The following DGKI variants were observed in gnomAD, a reference collection of about 807,000 sequenced individuals.
The protein encoded by DGKI is diacylglycerol kinase iota.
In DGKI, 55 loss-of-function variants were observed where a neutral mutation model predicts 147.5. The ratio of observed to expected loss-of-function variants is 0.37; its 90% CI spans 0.30 to 0.47. The LOEUF (loss-of-function observed/expected upper bound fraction) is 0.47, where lower values mean the gene tolerates loss of function less well. DGKI is among the 20% of genes least tolerant of loss of function. DGKI has a pLI of 1.00. For synonymous variants in DGKI, 469 were observed against 477.1 expected (o/e 0.98, Z 0.22); for missense variants, 1,007 against 1,323.8 (o/e 0.76, Z 3.71).
At chr7:137,536,337 T>A (rs187003719) in intron 20 of DGKI, among the ~76,000 whole-genome samples, 1 of 152,154 alleles carries the variant, frequency 6.6e-6, no homozygotes, top group African/African-American at 2.4e-5. Context: ...GGTGTTAAAT[T>A]TGATCACAGA....
Position 137,559,387 on chromosome 7 carries a change from A to G in DGKI, c.1948-6819T>C, listed in dbSNP as rs555959691. On this transcript the variant is annotated intron_variant, in intron 19 of 32. Coordinates refer to ENST00000614521, the MANE Select transcript of DGKI (RefSeq NM_001321708.2). ...CGCCTGGCCTTGTACCTACAATTCT[A>G]TAATCATGTTCTCAAATTCCACCTC... Among the ~76,000 whole-genome samples, 140 of 152,088 alleles carry G rather than the reference A, an allele frequency of 9.2e-4. 1 individual carries two copies. The highest frequency in any genetic ancestry group is 6.8e-3 in the Middle Eastern group (2 of 294).
intron 1 of DGKI, among the ~76,000 whole-genome samples, chr7:137,794,413 A>G (rs1796961712): frequency 6.6e-6 from 1 of 152,266 alleles, no homozygotes; most frequent in Non-Finnish European, 1.5e-5. Flanking sequence ...ATTTAAGTTG[A>G]TACAAATGAA....
intron 19 of DGKI, among the ~76,000 whole-genome samples, chr7:137,553,470 T>C (rs1818119317): frequency 6.6e-6 from 1 of 152,164 alleles, no homozygotes; most frequent in Non-Finnish European, 1.5e-5. Context: ...TTCATCATGG[T>C]AGCCACAGAA....
At chr7:137,769,233 T>C (rs965512062) in intron 1 of DGKI, among the ~76,000 whole-genome samples, 5 of 152,178 alleles carry the variant, frequency 3.3e-5, no homozygotes, top group Admixed American at 2.6e-4. Flanking sequence ...ACTCTGACTG[T>C]GGCAGATCCA....
chr7:137,414,546 A>G (rs1226549038), intron 28 of DGKI, among the ~76,000 whole-genome samples: 1 of 152,130 alleles, frequency 6.6e-6, no homozygotes, highest in Non-Finnish European at 1.5e-5. Flanking sequence ...TAAAAAAAAA[A>G]AAAAAACCCT....
At chr7:137,663,231 GCAAGCTACTTGAGGAGA>G (rs1822508419) in intron 3 of DGKI, among the ~76,000 whole-genome samples, 1 of 152,156 alleles carries the variant, frequency 6.6e-6, no homozygotes, top group Non-Finnish European at 1.5e-5. Flanking sequence ...GCAAGAGCTG[GCAAGCTACTTGAGGAGA>G]CAAGAGGAAC....
Position 137,523,731 on chromosome 7 carries a change from C to T in DGKI, c.2148-1765G>A, listed in dbSNP as rs528959093. 3.3e-5 allele frequency among the ~76,000 whole-genome samples: 5 copies of T among 152,110 alleles called. No homozygotes were observed. In the East Asian group the frequency reaches 9.7e-4, roughly 29 times the overall value. The stretch of plus-strand genomic sequence containing the variant: ...TCAAAAAGGTATGGACAAATAAAGC[C>T]GAAGCATTTAAGTTGTGATTGGAGA... On this transcript the variant is annotated intron_variant, in intron 20 of 32. Coordinates refer to ENST00000614521, the MANE Select transcript of DGKI (RefSeq NM_001321708.2).
At chr7:137,583,987 C>T (rs1363855937) in intron 14 of DGKI, among the ~76,000 whole-genome samples, 1 of 151,924 alleles carries the variant, frequency 6.6e-6, no homozygotes, top group Non-Finnish European at 1.5e-5. Context: ...TCTAATTTAG[C>T]CAAGTTAGAA....
At chr7:137,392,301 G>C (rs959911562) in intron 32 of DGKI, among the ~76,000 whole-genome samples, 1 of 152,168 alleles carries the variant, frequency 6.6e-6, no homozygotes, top group Admixed American at 6.6e-5. Context: ...AAGGGAGAAA[G>C]AGTGTCCATT....
At chr7:137,611,382 TG>T (rs1295470361) in intron 8 of DGKI, among the ~76,000 whole-genome samples, 2 of 152,164 alleles carry the variant, frequency 1.3e-5, no homozygotes, top group East Asian at 3.9e-4. Flanking sequence ...TTCATCTGTT[TG>T]GGGTAAAGCC....
At chr7:137,593,010 A>C (rs1243632625) in intron 12 of DGKI, among the ~76,000 whole-genome samples, 1 of 152,128 alleles carries the variant, frequency 6.6e-6, no homozygotes, top group Non-Finnish European at 1.5e-5. Context: ...CTATCAATTA[A>C]AGGAAAATAA....
intron 5 of DGKI, among the ~76,000 whole-genome samples, chr7:137,649,288 T>C (rs1821939990): frequency 6.6e-6 from 1 of 152,138 alleles, no homozygotes; most frequent in Non-Finnish European, 1.5e-5. Flanking sequence ...CCAAGTGCTT[T>C]AATTTCTCAC....
At chr7:137,601,264 C>G (rs1000754217) in intron 10 of DGKI, among the ~76,000 whole-genome samples, 2 of 150,518 alleles carry the variant, frequency 1.3e-5, no homozygotes, top group African/African-American at 4.9e-5. Flanking sequence ...GAGCGAGACT[C>G]TGTCTCAAAA....
intron 20 of DGKI, among the ~76,000 whole-genome samples, chr7:137,528,726 G>A (rs1057167902): frequency 3.9e-5 from 6 of 151,938 alleles, no homozygotes; most frequent in African/African-American, 1.5e-4. Context: ...AATTCTATAC[G>A]CCCCTATGAC....
At chr7:137,708,832 T>A (rs1186688791) in intron 1 of DGKI, among the ~76,000 whole-genome samples, 1 of 152,176 alleles carries the variant, frequency 6.6e-6, no homozygotes, top group Non-Finnish European at 1.5e-5. Context: ...GAAAGGCTAC[T>A]AAGAGGAGGT....
intron 1 of DGKI, among the ~76,000 whole-genome samples, chr7:137,734,402 G>C (rs777444236): frequency 9.9e-5 from 15 of 151,948 alleles, no homozygotes; most frequent in African/African-American, 3.6e-4. Flanking sequence ...ACAGATTTGC[G>C]GGTCAGGAAT....
chr7:137,411,536 A>C (rs2128900939), intron 29 of DGKI, among the ~76,000 whole-genome samples: 1 of 152,316 alleles, frequency 6.6e-6, no homozygotes, highest in Non-Finnish European at 1.5e-5. Context: ...GAAAAAACTA[A>C]GGCACAGAGA....
intron 1 of DGKI, among the ~76,000 whole-genome samples, chr7:137,739,095 G>A (rs1795104040): frequency 6.6e-6 from 1 of 152,120 alleles, no homozygotes; most frequent in Non-Finnish European, 1.5e-5. Context: ...TTTGTGGACT[G>A]AAAATAGAGG....
At chr7:137,471,007 C>A (rs79564202) in intron 23 of DGKI, among the ~76,000 whole-genome samples, 5,272 of 152,276 alleles carry the variant, frequency 0.035, 294 homozygotes, top group African/African-American at 0.12. Context: ...AGAGAACTGG[C>A]AGATTGAAAA....
Sources: gnomAD v4.1 joint callset for allele counts (sites outside exome capture counted in the v4.1 genomes callset) on GRCh38, gnomAD v4.1.1 for gene constraint, MANE v1.5 for transcripts, NCBI Gene and HGNC (gene_info 2026-07-23, HGNC 2026-07-21) for gene names.